The following ZNF385D variants were observed in gnomAD, a reference collection of about 807,000 sequenced individuals.
ZNF385D encodes the protein zinc finger protein 385D.
A neutral mutation model predicts 35.8 loss-of-function variants in ZNF385D; 15 were observed. The observed-to-expected ratio is 0.42, with a 90% CI of 0.28 to 0.64. ZNF385D has a LOEUF of 0.64. Ranked by LOEUF, ZNF385D falls within the 30% of genes least tolerant of loss-of-function variation. The probability of loss-of-function intolerance (pLI) is 0.23; values close to 1 mark genes in which losing one functional copy is unlikely to be tolerated. For synonymous variants in ZNF385D, 212 were observed against 186.8 expected (o/e 1.13, Z -1.10); for missense variants, 474 against 494.6 (o/e 0.96, Z 0.39).
chr3:21,526,368 G>A (rs1320304217), intron 3 of ZNF385D, among the ~76,000 whole-genome samples: 2 of 151,994 alleles, frequency 1.3e-5, no homozygotes, highest in Non-Finnish European at 2.9e-5. Flanking sequence ...TAAAACTTGA[G>A]CTATTAGTTC....
At chr3:21,477,145 T>C (rs1052216032) in intron 4 of ZNF385D, among the ~76,000 whole-genome samples, 1 of 152,112 alleles carries the variant, frequency 6.6e-6, no homozygotes, top group Admixed American at 6.6e-5. Flanking sequence ...AATGGAAGGT[T>C]GAGGAGGGTG....
rs759852765 is a variant in ZNF385D, at chr3:22,287,731, ATTGT to A, written c.106+84715_106+84718del. Reference sequence around the variant, plus strand: ...CCCTCAACAAGATATTATAGCTATAATTGTTTGTAATAGTTTTTCCTTTTAGCCT... The same window carrying A: ...CCCTCAACAAGATATTATAGCTATAATTGTAATAGTTTTTCCTTTTAGCCT... On this transcript the variant is annotated intron_variant, in intron 2 of 5. Transcript: ENST00000494108. Among the ~76,000 whole-genome samples, 17 of 152,140 alleles carry A rather than the reference ATTGT, an allele frequency of 1.1e-4. No homozygotes were observed. In the East Asian group the frequency reaches 1.9e-3, roughly 17 times the overall value.
intron 3 of ZNF385D, among the ~76,000 whole-genome samples, chr3:21,818,564 G>C (rs1202706044): frequency 1.3e-5 from 2 of 152,050 alleles, no homozygotes; most frequent in Non-Finnish European, 2.9e-5. Context: ...AATATTTCTA[G>C]ATAAAAATAT....
At chr3:21,797,728 CA>C (rs914745674) in intron 3 of ZNF385D, among the ~76,000 whole-genome samples, 8 of 152,210 alleles carry the variant, frequency 5.3e-5, no homozygotes, top group Middle Eastern at 3.4e-3. Flanking sequence ...TCCATATTAT[CA>C]AGTGAAACGA....
In ZNF385D at chr3:21,556,098, G is replaced by A. The variant is rs536414834; in HGVS notation, c.276+8476C>T. Among the ~76,000 whole-genome samples the A allele has an allele frequency of 7.5e-4, 43 of 57,086 alleles. 1 individual carries two copies. Among genetic ancestry groups the A allele is most frequent in the Middle Eastern group, 0.019 (2 of 106 alleles). 37.5% of individuals were successfully genotyped at this position (57,086 alleles called of 152,430 possible). On this transcript the variant is annotated intron_variant, in intron 3 of 7. Transcript: ENST00000281523. The stretch of plus-strand genomic sequence containing the variant: ...TTTTTTTTTTTTTTTGTAAATTTAA[G>A]TTCTTTGTAGATTCTGGGTATTAGA...
Position 21,634,356 on chromosome 3 carries a change from GA to G in ZNF385D, c.165+30529del, listed in dbSNP as rs200704715. Among the ~76,000 whole-genome samples, 441 of 148,234 alleles carry G rather than the reference GA, an allele frequency of 3.0e-3. 7 individuals carry two copies. Among genetic ancestry groups the G allele is most frequent in the Admixed American group, 0.027 (394 of 14,832 alleles). ...GAAGGGAGAGAGGAAAGAAAGAAAA[GA>G]AAAAAAGAAAGGAAGGAAGGAAAGA... On this transcript the variant is annotated intron_variant, in intron 2 of 7. Coordinates refer to ENST00000281523, the MANE Select transcript of ZNF385D (RefSeq NM_024697.3).
chr3:22,216,384 T>C (rs1697886300), intron 2 of ZNF385D, among the ~76,000 whole-genome samples: 2 of 152,230 alleles, frequency 1.3e-5, no homozygotes, highest in African/African-American at 4.8e-5. Context: ...CGCAGAAGAC[T>C]GAAAGCCCCT....
At chr3:21,720,259 T>C (rs1403291298) in intron 1 of ZNF385D, among the ~76,000 whole-genome samples, 1 of 152,152 alleles carries the variant, frequency 6.6e-6, no homozygotes, top group Non-Finnish European at 1.5e-5. Flanking sequence ...ATCGGGAAAC[T>C]TGTTAGAAAT....
intron 5 of ZNF385D, among the ~76,000 whole-genome samples, chr3:21,433,844 G>A (rs775727935): frequency 3.3e-5 from 5 of 151,912 alleles, no homozygotes; most frequent in African/African-American, 7.3e-5. Flanking sequence ...TATTAAATTC[G>A]CAGATTTTTA....
At chr3:21,585,321 A>C (rs111844378) in intron 2 of ZNF385D, among the ~76,000 whole-genome samples, 3 of 151,478 alleles carry the variant, frequency 2.0e-5, no homozygotes, top group African/African-American at 7.4e-5. Flanking sequence ...ACTCTTAGTG[A>C]GAGTTACTTT....
chr3:21,738,852 A>T (rs1485169008), intron 1 of ZNF385D, among the ~76,000 whole-genome samples: 2 of 152,190 alleles, frequency 1.3e-5, no homozygotes, highest in Non-Finnish European at 2.9e-5. Context: ...TGCATTTTAT[A>T]CTTAAAGAAA....
At chr3:21,669,564 AAATT>A (rs2066500172) in intron 1 of ZNF385D, among the ~76,000 whole-genome samples, 2 of 152,196 alleles carry the variant, frequency 1.3e-5, no homozygotes, top group Non-Finnish European at 2.9e-5. Context: ...TTTGAAAAGC[AAATT>A]AATATGTAAA....
chr3:22,255,179 T>G (rs985044091), intron 2 of ZNF385D, among the ~76,000 whole-genome samples: 2 of 149,522 alleles, frequency 1.3e-5, no homozygotes, highest in Non-Finnish European at 3.0e-5. Context: ...AAAATGCTCA[T>G]AAGAAAAAAA....
chr3:21,844,487 C>T (rs1695876737), intron 3 of ZNF385D, among the ~76,000 whole-genome samples: 4 of 151,154 alleles, frequency 2.6e-5, no homozygotes, highest in Admixed American at 2.6e-4. Flanking sequence ...CTCACTTTCC[C>T]TATGTGTCAA....
chr3:21,930,393 C>A (rs1274525544), intron 3 of ZNF385D, among the ~76,000 whole-genome samples: 1 of 151,500 alleles, frequency 6.6e-6, no homozygotes, highest in Admixed American at 6.6e-5. Context: ...TGCTACTCAG[C>A]TAAGACACCA....
At chr3:21,767,665 A>G (rs997440494) in intron 3 of ZNF385D, among the ~76,000 whole-genome samples, 3 of 151,830 alleles carry the variant, frequency 2.0e-5, no homozygotes, top group African/African-American at 7.3e-5. Flanking sequence ...GGTGAATGGG[A>G]AGAGAGTTAA....
chr3:21,878,933 C>T (rs767976501), intron 3 of ZNF385D, among the ~76,000 whole-genome samples: 3 of 151,974 alleles, frequency 2.0e-5, no homozygotes, highest in East Asian at 1.9e-4. Context: ...CATACAAACC[C>T]TAAAGCTATT....
In ZNF385D at chr3:21,510,969, G is replaced by C; in HGVS notation, c.331C>G (p.Leu111Val). Residue 111 changes from leucine (L) to valine (V), a missense_variant, in exon 4 of 8, where the codon CTG becomes GTG. Coordinates refer to ENST00000281523, the MANE Select transcript of ZNF385D (RefSeq NM_024697.3). ...GTKHAKKLKA[L>V]EAMKNKQKSV... ...TTCTGCTTATTTTTCATGGCTTCCA[G>C]TGCTTTGAGCTTCTTGGCATGTTTC... 3 of 1,614,132 alleles carry C rather than the reference G, an allele frequency of 1.9e-6. No homozygotes were observed. The highest frequency in any genetic ancestry group is 2.5e-6 in the Non-Finnish European group (3 of 1,180,004).
At chr3:21,981,371 T>C (rs1449034100) in intron 3 of ZNF385D, among the ~76,000 whole-genome samples, 2 of 152,150 alleles carry the variant, frequency 1.3e-5, no homozygotes, top group East Asian at 1.9e-4. Flanking sequence ...ATGTCTTCTT[T>C]TGAGAAGTGT....
Sources: allele counts gnomAD v4.1 joint callset (sites outside exome capture counted in the v4.1 genomes callset), GRCh38; gene constraint gnomAD v4.1.1; transcripts MANE v1.5; gene names NCBI Gene and HGNC (gene_info 2026-07-23, HGNC 2026-07-21).